MTDH: variants seen among roughly 807,000 people sequenced by gnomAD.
MTDH encodes the protein protein LYRIC.
A neutral mutation model predicts 72.7 loss-of-function variants in MTDH; 34 were observed. That is an observed-to-expected ratio of 0.47 (90% CI 0.36 to 0.62). The LOEUF is 0.62. Ranked by LOEUF, MTDH falls within the 20% of genes least tolerant of loss-of-function variation. MTDH has a pLI of 0.00. For missense variants in MTDH, 677 were observed against 699.4 expected (o/e 0.97, Z 0.36); for synonymous variants, 266 against 268.9 (o/e 0.99, Z 0.10).
chr8:97,697,777 T>C (rs1279936201), intron 6 of MTDH, among the ~76,000 whole-genome samples: 1 of 152,132 alleles, frequency 6.6e-6, no homozygotes, highest in East Asian at 1.9e-4. Context: ...CTGTGAGTCA[T>C]AGTTTGCTAA....
chr8:97,696,187 G>C (rs2438206), intron 6 of MTDH: 102,884 of 966,664 alleles, frequency 0.11, 9,390 homozygotes, highest in African/African-American at 0.42. Flanking sequence ...TCCAAGTGAT[G>C]TTTTTTATTT....
At chr8:97,648,792 A>G (rs986799399) in intron 1 of MTDH, among the ~76,000 whole-genome samples, 2 of 152,232 alleles carry the variant, frequency 1.3e-5, no homozygotes, top group Non-Finnish European at 2.9e-5. Flanking sequence ...TTGCTACCAG[A>G]TAGCCTTGCA....
At chr8:97,701,518 GCTGA>G (rs1244961483) in intron 7 of MTDH, among the ~76,000 whole-genome samples, 6 of 152,132 alleles carry the variant, frequency 3.9e-5, no homozygotes, top group Non-Finnish European at 8.8e-5. Context: ...GATACGCAGG[GCTGA>G]CTGTGTATGA....
In MTDH at chr8:97,724,919, T is replaced by TA; in HGVS notation, c.*251dup. 3.5e-6 allele frequency: 1 copy of TA among 288,002 alleles called. No homozygotes were observed. The highest frequency in any genetic ancestry group is 6.5e-6 in the Non-Finnish European group (1 of 154,830). 17.8% of individuals were successfully genotyped at this position (288,002 alleles called of 1,614,324 possible). A position where few individuals can be genotyped will look rare whatever the true frequency, so the allele number is the denominator to read the frequency against. The stretch of plus-strand genomic sequence containing the variant: ...CTTTTTAATAGAACAAGAACGATCT[T>TA]AATTTAAGAATATTATCCTGGTTTA... On this transcript the variant is annotated 3_prime_UTR_variant, in exon 12 of 12. Transcript: ENST00000336273.
At chr8:97,648,946 G>A (rs1364917442) in intron 1 of MTDH, among the ~76,000 whole-genome samples, 1 of 152,140 alleles carries the variant, frequency 6.6e-6, no homozygotes, top group Admixed American at 6.5e-5. Flanking sequence ...GAAAGTGGCT[G>A]TTTGCCTCAT....
At position 97,724,848 on chromosome 8, in the gene MTDH, A is replaced by G; in HGVS notation, c.*178A>G. ...AAAAGAAAGTTAATTTATGAAATTA[A>G]GAGGTCAGCAGAATATACTCAGTGA... On this transcript the variant is annotated 3_prime_UTR_variant, in exon 12 of 12. Coordinates refer to ENST00000336273, the MANE Select transcript of MTDH (RefSeq NM_178812.4). 2.0e-6 allele frequency: 1 copy of G among 489,212 alleles called. No homozygotes were observed. The highest frequency in any genetic ancestry group is 3.6e-6 in the Non-Finnish European group (1 of 280,832). The allele number at this position is 489,212 out of a possible 1,614,324, so 30.3% of individuals were successfully genotyped here. A position where few individuals can be genotyped will look rare whatever the true frequency, so the allele number is the denominator to read the frequency against.
intron 7 of MTDH, among the ~76,000 whole-genome samples, chr8:97,701,389 T>TA (rs1277528853): frequency 2.0e-5 from 3 of 152,204 alleles, no homozygotes; most frequent in African/African-American, 4.8e-5. Flanking sequence ...AAATAGTTGT[T>TA]ATACTGTATT....
intron 3 of MTDH, 115 bp downstream of exon 3, chr8:97,686,867 T>C (rs1313617881): frequency 3.4e-6 from 2 of 581,040 alleles, no homozygotes; most frequent in Non-Finnish European, 5.7e-6. Flanking sequence ...TTCTTTTTTA[T>C]TACTGTAGAC....
chr8:97,706,555 G>A, intron 7 of MTDH, 71 bp from the exon 8 acceptor site: 1 of 1,413,810 alleles, frequency 7.1e-7, no homozygotes. Context: ...TGAACATAAG[G>A]AATTTTTAGT....
chr8:97,661,779 C>CA (rs769610337), intron 2 of MTDH, among the ~76,000 whole-genome samples: 19 of 151,936 alleles, frequency 1.3e-4, no homozygotes, highest in African/African-American at 3.9e-4. Context: ...TTTGTCATTA[C>CA]AAAAAATACC....
At chr8:97,669,616 G>T (rs930988712) in intron 2 of MTDH, among the ~76,000 whole-genome samples, 4 of 151,870 alleles carry the variant, frequency 2.6e-5, no homozygotes, top group African/African-American at 9.7e-5. Flanking sequence ...ATGTGAAGAA[G>T]CTCTTAAAAT....
intron 1 of MTDH, among the ~76,000 whole-genome samples, chr8:97,659,208 T>C (rs536827837): frequency 6.6e-6 from 1 of 152,288 alleles, no homozygotes; most frequent in African/African-American, 2.4e-5. Flanking sequence ...CTGATGTAGA[T>C]ACGGCCCTAA....
At chr8:97,724,384 G>A (rs1271563154) in intron 11 of MTDH, among the ~76,000 whole-genome samples, 1 of 152,026 alleles carries the variant, frequency 6.6e-6, no homozygotes, top group Non-Finnish European at 1.5e-5. Context: ...AATATCAGCA[G>A]TTCCATATAG....
At chr8:97,717,650 A>T (rs1195133400) in intron 9 of MTDH, among the ~76,000 whole-genome samples, 1 of 140,408 alleles carries the variant, frequency 7.1e-6, no homozygotes, top group East Asian at 2.4e-4. Flanking sequence ...TGGAAATCTT[A>T]AAGCTTATGT....
Position 97,724,831 on chromosome 8 carries a change from G to A in MTDH, c.*161G>A, listed in dbSNP as rs1177907979. The A allele has an allele frequency of 3.9e-6, 2 of 516,552 alleles. No individual in the cohort carries two copies. Among genetic ancestry groups the A allele is most frequent in the Non-Finnish European group, 6.6e-6 (2 of 301,622 alleles). The allele number at this position is 516,552 out of a possible 1,614,324, so 32.0% of individuals were successfully genotyped here. On this transcript the variant is annotated 3_prime_UTR_variant, in exon 12 of 12. Coordinates refer to ENST00000336273, the MANE Select transcript of MTDH (RefSeq NM_178812.4). ...ACCATAAAAATGGAATCAAAAGAAA[G>A]TTAATTTATGAAATTAAGAGGTCAG...
At chr8:97,667,510 A>C (rs943758794) in intron 2 of MTDH, among the ~76,000 whole-genome samples, 2 of 152,226 alleles carry the variant, frequency 1.3e-5, no homozygotes, top group Admixed American at 6.5e-5. Context: ...TTGTGTGCCA[A>C]ATTAGCCACT....
intron 7 of MTDH, among the ~76,000 whole-genome samples, chr8:97,701,878 T>G (rs539454136): frequency 5.6e-4 from 86 of 152,346 alleles, no homozygotes; most frequent in African/African-American, 2.0e-3. Context: ...GATTCTATAC[T>G]TAATCAAAGT....
chr8:97,670,931 G>GTTT (rs1167717632), intron 2 of MTDH, among the ~76,000 whole-genome samples: 4 of 105,998 alleles, frequency 3.8e-5, no homozygotes, highest in Admixed American at 9.0e-5. Context: ...TAATTTTTTT[G>GTTT]TTTTTTTTGT....
intron 2 of MTDH, among the ~76,000 whole-genome samples, chr8:97,677,677 A>G (rs963088671): frequency 4.6e-5 from 7 of 152,172 alleles, no homozygotes; most frequent in African/African-American, 1.4e-4. Context: ...TACTTTTGGT[A>G]TTTAAAATAA....
Sources: gnomAD v4.1 joint callset for allele counts (sites outside exome capture counted in the v4.1 genomes callset) on GRCh38, gnomAD v4.1.1 for gene constraint, MANE v1.5 for transcripts, NCBI Gene and HGNC (gene_info 2026-07-23, HGNC 2026-07-21) for gene names.